The following RBFOX1 variants were observed in gnomAD, a reference collection of about 807,000 sequenced individuals.
The protein encoded by RBFOX1 is RNA binding protein fox-1 homolog 1.
Under a neutral mutation model 57.7 loss-of-function variants are expected in RBFOX1, and 8 were observed. The ratio of observed to expected loss-of-function variants is 0.14; its 90% CI spans 0.08 to 0.25. The LOEUF is 0.25. Ranked by LOEUF, RBFOX1 falls within the 10% of genes least tolerant of loss-of-function variation. The pLI, the probability that RBFOX1 is intolerant of heterozygous loss-of-function variation, is 1.00. For synonymous variants in RBFOX1, 326 were observed against 222.4 expected, an observed-to-expected ratio of 1.47 and a Z score of -4.15; for missense variants, 611 against 548.5, an observed-to-expected ratio of 1.11 and a Z score of -1.14.
intron 3 of RBFOX1, among the ~76,000 whole-genome samples, chr16:6,818,632 G>A (rs62016148): frequency 0.22 from 33,525 of 152,082 alleles, 4,353 homozygotes; most frequent in Non-Finnish European, 0.29. Flanking sequence ...CACCTGTGAT[G>A]AATAGCTGCT....
At chr16:5,585,870 C>T (rs111998895) in intron 2 of RBFOX1, among the ~76,000 whole-genome samples, 246 of 152,244 alleles carry the variant, frequency 1.6e-3, no homozygotes, top group African/African-American at 5.6e-3. Flanking sequence ...TTGGTGTGCT[C>T]TAGTGGGTTG....
intron 3 of RBFOX1, among the ~76,000 whole-genome samples, chr16:6,804,837 C>T (rs929882992): frequency 6.6e-6 from 1 of 152,250 alleles, no homozygotes; most frequent in South Asian, 2.1e-4. Context: ...AAAGTATTGG[C>T]AGTTATGTCC....
chr16:6,833,722 C>A (rs111405712), intron 3 of RBFOX1, among the ~76,000 whole-genome samples: 3 of 152,096 alleles, frequency 2.0e-5, no homozygotes, highest in African/African-American at 7.2e-5. Flanking sequence ...ACTCTAGATG[C>A]TATGGAATAT....
chr16:7,189,116 G>A (rs2084667598), intron 4 of RBFOX1, among the ~76,000 whole-genome samples: 1 of 151,762 alleles, frequency 6.6e-6, no homozygotes, highest in Admixed American at 6.6e-5. Context: ...CAGGTAATAA[G>A]GAGTGATTTC....
At chr16:6,783,776 C>T (rs1378430450) in intron 3 of RBFOX1, among the ~76,000 whole-genome samples, 9 of 152,042 alleles carry the variant, frequency 5.9e-5, no homozygotes, top group Non-Finnish European at 1.3e-4. Flanking sequence ...CACATTTGTA[C>T]CCCTGTCTTT....
rs77933801 is a variant in RBFOX1 at position 7,309,373 on chromosome 16, A to G, written c.28-208774A>G. On this transcript the variant is annotated intron_variant, in intron 4 of 15. Transcript: ENST00000550418. ...GGCCACCTGGGCTGCCTCTGCTTTAAAATTACTTAATCCAACAATCACTTC... is the reference window on the plus strand; with the variant it reads ...GGCCACCTGGGCTGCCTCTGCTTTAGAATTACTTAATCCAACAATCACTTC... Among the ~76,000 whole-genome samples, 20 of 152,334 alleles carry G rather than the reference A, an allele frequency of 1.3e-4. No homozygotes were observed. The East Asian group carries it at 3.7e-3, about 28-fold the overall frequency.
chr16:6,555,679 G>T (rs980219593), intron 2 of RBFOX1, among the ~76,000 whole-genome samples: 6 of 151,656 alleles, frequency 4.0e-5, no homozygotes, highest in Non-Finnish European at 8.8e-5. Flanking sequence ...CAGCCTGGGC[G>T]ACAGAGCTAG....
chr16:6,328,849 A>C (rs745637455), intron 2 of RBFOX1, among the ~76,000 whole-genome samples: 1 of 152,166 alleles, frequency 6.6e-6, no homozygotes, highest in Non-Finnish European at 1.5e-5. Flanking sequence ...AGTCGTGATT[A>C]CTGCTCTGCT....
rs576736563 is a variant in RBFOX1 at position 6,485,147 on chromosome 16, C to G, written c.-64+168090C>G. 5.9e-5 allele frequency among the ~76,000 whole-genome samples: 9 copies of G among 152,256 alleles called. No homozygotes were observed. The Middle Eastern group carries it at 0.01, about 173-fold the overall frequency. On this transcript the variant is annotated intron_variant, in intron 2 of 15. Coordinates refer to ENST00000550418, the MANE Select transcript of RBFOX1 (RefSeq NM_018723.4). The stretch of plus-strand genomic sequence containing the variant: ...TAAGTGAATGCAAGTCAATCAGCAA[C>G]AGCTGCTTGCCACTCAGGCTCACAG...
intron 5 of RBFOX1, among the ~76,000 whole-genome samples, chr16:7,534,111 AGTTTCACTCTT>A (rs1337333204): frequency 1.7e-5 from 2 of 119,664 alleles, no homozygotes; most frequent in African/African-American, 2.9e-5. Flanking sequence ...TTGGACATGC[AGTTTCACTCTT>A]GTTGCCCAGG....
At chr16:6,741,618 G>A (rs1211627508) in intron 3 of RBFOX1, among the ~76,000 whole-genome samples, 3 of 150,368 alleles carry the variant, frequency 2.0e-5, no homozygotes, top group African/African-American at 7.4e-5. Context: ...GCGGTGAGCC[G>A]AGATCATGCC....
At chr16:6,942,128 A>T (rs141477492) in intron 3 of RBFOX1, among the ~76,000 whole-genome samples, 2,132 of 152,268 alleles carry the variant, frequency 0.014, 61 homozygotes, top group African/African-American at 0.049. Flanking sequence ...AATCCCAGCT[A>T]CTTGGGAGGC....
chr16:6,994,874 A>G (rs1420834844), intron 3 of RBFOX1, among the ~76,000 whole-genome samples: 4 of 152,212 alleles, frequency 2.6e-5, no homozygotes, highest in African/African-American at 9.6e-5. Context: ...TTATCAAAAC[A>G]AAATTCCAAA....
intron 2 of RBFOX1, among the ~76,000 whole-genome samples, chr16:6,560,174 C>CAAA (rs5815323): frequency 0.01 from 1,245 of 121,358 alleles, 44 homozygotes; most frequent in African/African-American, 0.035. Context: ...TGCCATTTAT[C>CAAA]AAAAAAAAAA....
At chr16:6,412,191 C>T (rs549160608) in intron 2 of RBFOX1, among the ~76,000 whole-genome samples, 3 of 151,046 alleles carry the variant, frequency 2.0e-5, no homozygotes, top group South Asian at 2.1e-4. Context: ...TCACAGTAGT[C>T]AAATACTGGG....
chr16:6,656,577 C>T (rs1017160405), intron 3 of RBFOX1, among the ~76,000 whole-genome samples: 5 of 147,402 alleles, frequency 3.4e-5, no homozygotes, highest in African/African-American at 1.0e-4. Context: ...GATTTCAGCT[C>T]TTCTCAAGAA....
intron 4 of RBFOX1, among the ~76,000 whole-genome samples, chr16:7,509,897 G>C (rs1462374527): frequency 6.6e-6 from 1 of 151,720 alleles, no homozygotes; most frequent in Non-Finnish European, 1.5e-5. Flanking sequence ...AAAAATTCCA[G>C]CTCCAGGCGA....
chr16:7,426,021 C>T (rs928142719), intron 4 of RBFOX1, among the ~76,000 whole-genome samples: 2 of 152,190 alleles, frequency 1.3e-5, no homozygotes, highest in African/African-American at 2.4e-5. Flanking sequence ...GCATCTGGGC[C>T]TCGGATGTCG....
At chr16:7,284,699 C>T (rs532017440) in intron 4 of RBFOX1, among the ~76,000 whole-genome samples, 2 of 152,244 alleles carry the variant, frequency 1.3e-5, no homozygotes, top group South Asian at 4.1e-4. Context: ...GTGTTTAATC[C>T]TGGATCTGAT....
Sources: allele counts gnomAD v4.1 joint callset (sites outside exome capture counted in the v4.1 genomes callset), GRCh38; gene constraint gnomAD v4.1.1; transcripts MANE v1.5; gene names NCBI Gene and HGNC (gene_info 2026-07-23, HGNC 2026-07-21).